The following RELB variants were observed in gnomAD, a reference collection of about 807,000 sequenced individuals.
RELB encodes transcription factor RelB.
RELB carries 14 observed loss-of-function variants against 55.4 expected under a neutral mutation model. The observed-to-expected ratio is 0.25, with a 90% CI of 0.17 to 0.40. The LOEUF (loss-of-function observed/expected upper bound fraction) is 0.40, where lower values mean the gene tolerates loss of function less well. Ranked by LOEUF, RELB falls within the 10% of genes least tolerant of loss-of-function variation. The pLI is 1.00. For missense variants in RELB, 669 were observed against 830.7 expected (o/e 0.81, Z 2.39); for synonymous variants, 409 against 371.3 (o/e 1.10, Z -1.17).
At chr19:45,014,952 G>C (rs998134353) in intron 4 of RELB, among the ~76,000 whole-genome samples, 2 of 149,044 alleles carry the variant, frequency 1.3e-5, no homozygotes, top group Admixed American at 6.7e-5. Context: ...GCCCAGGCTG[G>C]AGTGCAGTGG....
intron 1 of RELB, among the ~76,000 whole-genome samples, chr19:45,001,898 T>A (rs1971215410): frequency 6.6e-6 from 1 of 151,250 alleles, no homozygotes; most frequent in African/African-American, 2.4e-5. Context: ...CGTCCCGCTG[T>A]AGAGTGAGAG....
At chr19:45,002,912 C>G (rs370519049) in intron 1 of RELB, 37 bp from the exon 2 acceptor site, 23 of 1,593,140 alleles carry the variant, frequency 1.4e-5, no homozygotes, top group Non-Finnish European at 2.0e-5. Context: ...TCTGGCTGCC[C>G]CCCATCACCT....
At chr19:45,036,045 GT>G (rs1455395596) in intron 11 of RELB, among the ~76,000 whole-genome samples, 1 of 152,152 alleles carries the variant, frequency 6.6e-6, no homozygotes, top group African/African-American at 2.4e-5. Flanking sequence ...AGTCCCTTGT[GT>G]CTCTAAGGTT....
At chr19:45,030,667 A>T (rs1195384770) in intron 8 of RELB, among the ~76,000 whole-genome samples, 1 of 151,794 alleles carries the variant, frequency 6.6e-6, no homozygotes, top group Non-Finnish European at 1.5e-5. Flanking sequence ...ATGTTGGGGC[A>T]TGTGCCTGTA....
chr19:45,037,824 G>A lies in RELB; in HGVS notation c.*34G>A. 1.4e-6 allele frequency: 2 copies of A among 1,470,800 alleles called. No homozygotes were observed. The highest frequency in any genetic ancestry group is 1.5e-5 in the African/African-American group (1 of 68,836). The allele number at this position is 1,470,800 out of a possible 1,614,324, so 91.1% of individuals were successfully genotyped here. A position where few individuals can be genotyped will look rare whatever the true frequency, so the allele number is the denominator to read the frequency against. ...TGCCAGAGGAGGGGCACTGGGTGGG[G>A]AGGGAGGTGGAGGAGCCGTGCAATC... On this transcript the variant is annotated 3_prime_UTR_variant, in exon 12 of 12. Transcript: ENST00000221452.
chr19:45,014,527 G>GT (rs537915381), intron 4 of RELB, among the ~76,000 whole-genome samples: 95,827 of 147,444 alleles, frequency 0.65, 31,088 homozygotes, highest in East Asian at 0.8. Flanking sequence ...TTGTTTTTTG[G>GT]TTTTTTTTTT....
intron 8 of RELB, among the ~76,000 whole-genome samples, chr19:45,029,807 G>A (rs1473322541): frequency 3.3e-5 from 5 of 151,864 alleles, no homozygotes; most frequent in East Asian, 1.9e-4. Context: ...CCGAGATCAC[G>A]CCTCTGCACT....
At chr19:45,001,793 C>T (rs1307984603) in intron 1 of RELB, 108 bp downstream of exon 1, 6 of 638,992 alleles carry the variant, frequency 9.4e-6, no homozygotes, top group African/African-American at 2.0e-5. Flanking sequence ...CTAAGGGTTT[C>T]GCGGGGGCAG....
chr19:45,018,670 A>ATT (rs201289873), intron 4 of RELB, among the ~76,000 whole-genome samples: 4 of 148,198 alleles, frequency 2.7e-5, no homozygotes, highest in African/African-American at 1.0e-4. Context: ...CCTGTTATTT[A>ATT]TTTATTTTTT....
rs551709862 is a variant in RELB, at chr19:45,034,288, G to A, written c.1252G>A (p.Val418Ile). The A allele has an allele frequency of 1.3e-5, 21 of 1,613,986 alleles. No homozygotes were observed. In the East Asian group the frequency reaches 2.9e-4, roughly 22 times the overall value. Residue 418 changes from valine to isoleucine, a missense_variant, in exon 10 of 12, where the codon GTC (valine) becomes ATC (isoleucine). Coordinates refer to ENST00000221452, the MANE Select transcript of RELB (RefSeq NM_006509.4). ...DKKRKRGMPD[V>I]LGELNSSDPH... ...GAAGCGGAAACGGGGGATGCCCGAC[G>A]TCCTTGGGGAGCTGAACAGCTCTGG...
Position 45,022,098 on chromosome 19 carries a change from C to T in RELB, c.550C>T (p.Leu184=). The change falls in exon 5 of 12, where the codon CTG becomes TTG. Residue 184 remains leucine, a synonymous_variant. Coordinates refer to ENST00000221452, the MANE Select transcript of RELB (RefSeq NM_006509.4). Reference sequence around the variant, plus strand: ...GCGGGAGGTGGAGGTGACTGCCTGCCTGGTGTGGAAGGACTGGCCTCACCG... The same window carrying T: ...GCGGGAGGTGGAGGTGACTGCCTGCTTGGTGTGGAAGGACTGGCCTCACCG... ...GLREVEVTAC[L]VWKDWPHRVH... is the part of the protein sequence containing the mutation. 1 of 1,613,578 alleles carries T rather than the reference C, an allele frequency of 6.2e-7. No individual in the cohort carries two copies.
intron 3 of RELB, among the ~76,000 whole-genome samples, chr19:45,010,669 C>CTTAT (rs890655326): frequency 2.0e-5 from 3 of 151,972 alleles, no homozygotes; most frequent in Non-Finnish European, 4.4e-5. Context: ...CAAGTTCTTT[C>CTTAT]TTATTTATTT....
In RELB at chr19:45,038,140, G is replaced by T. The variant is rs28372683; in HGVS notation, c.*350G>T. ...GCCCTCCCTCCCCAGACTTGAAGGT[G>T]GGGGGTAGGTTGGTTGTTCAGAGTC... On this transcript the variant is annotated 3_prime_UTR_variant, in exon 12 of 12. Coordinates refer to ENST00000221452, the MANE Select transcript of RELB (RefSeq NM_006509.4). 7.0e-3 allele frequency: 1,615 copies of T among 231,276 alleles called. 70 individuals carry two copies. The South Asian group carries it at 0.071, about 10-fold the overall frequency. The allele number at this position is 231,276 out of a possible 1,614,324, so 14.3% of individuals were successfully genotyped here.
chr19:45,034,229 G>A lies in RELB; in HGVS notation c.1208-15G>A. ...ATGAATTACTTCTTGTGTGTCCCTG[G>A]TATCTCCTTAACAGACAGCTACGGC... is the stretch of plus-strand genomic sequence containing the variant. On this transcript the variant is annotated splice_polypyrimidine_tract_variant and intron_variant, in intron 9 of 11. Transcript: ENST00000221452. The A allele has an allele frequency of 1.9e-6, 3 of 1,602,802 alleles. No homozygotes were observed. The highest frequency in any genetic ancestry group is 1.1e-5 in the South Asian group (1 of 90,770).
Position 45,012,192 on chromosome 19 carries a change from C to T in RELB, c.420C>T (p.Phe140=), listed in dbSNP as rs1971370017. 6.5e-7 allele frequency: 1 copy of T among 1,535,352 alleles called. No individual in the cohort carries two copies. Among genetic ancestry groups the T allele is most frequent in the Non-Finnish European group, 8.7e-7 (1 of 1,153,926 alleles). The change falls in exon 4 of 12, where the codon TTC becomes TTT. Residue 140 remains phenylalanine (F), a synonymous_variant. Transcript: ENST00000221452. The stretch of plus-strand genomic sequence containing the variant: ...AGCCCAAGCAGCGCGGCATGCGCTT[C>T]CGCTACGAGTGCGAGGGCCGCTCGG... ...TEQPKQRGMR[F]RYECEGRSAG... is the part of the protein sequence containing the mutation.
At chr19:45,024,408 C>T (rs1398987779) in intron 5 of RELB, among the ~76,000 whole-genome samples, 3 of 152,064 alleles carry the variant, frequency 2.0e-5, no homozygotes, top group Non-Finnish European at 4.4e-5. Context: ...CTGATCTGCC[C>T]GTATCGGCCT....
At chr19:45,003,915 G>GGTTT (rs1405162566) in intron 2 of RELB, among the ~76,000 whole-genome samples, 8 of 63,574 alleles carry the variant, frequency 1.3e-4, no homozygotes, top group East Asian at 1.2e-3. Flanking sequence ...TGTTTTTTGT[G>GGTTT]TTTTTTTTTT....
intron 2 of RELB, among the ~76,000 whole-genome samples, chr19:45,006,595 T>A (rs1182126269): frequency 6.6e-6 from 1 of 152,028 alleles, no homozygotes; most frequent in African/African-American, 2.4e-5. Context: ...TCTTCAATGC[T>A]CCCAGTCTAT....
chr19:45,007,016 G>C (rs944271818), intron 2 of RELB, among the ~76,000 whole-genome samples: 3 of 151,944 alleles, frequency 2.0e-5, no homozygotes, highest in East Asian at 1.9e-4. Flanking sequence ...GGACTGGAGT[G>C]GGGGATAAGG....
Sources: gnomAD v4.1 joint callset for allele counts (sites outside exome capture counted in the v4.1 genomes callset) on GRCh38, gnomAD v4.1.1 for gene constraint, MANE v1.5 for transcripts, NCBI Gene and HGNC (gene_info 2026-07-23, HGNC 2026-07-21) for gene names.